The following JAK1 variants were observed in gnomAD, a reference collection of about 807,000 sequenced individuals.
The protein encoded by JAK1 is Janus kinase 1.
A neutral mutation model predicts 136.6 loss-of-function variants in JAK1; 16 were observed. The ratio of observed to expected loss-of-function variants is 0.12; its 90% CI spans 0.08 to 0.18. The LOEUF is 0.18. Among genes scored for constraint, JAK1 ranks in the 10% least tolerant of loss-of-function variants. The pLI is 1.00. For missense variants in JAK1, 859 were observed against 1,450.1 expected (o/e 0.59, Z 6.62); for synonymous variants, 492 against 519.5 (o/e 0.95, Z 0.72).
chr1:64,961,076 C>T (rs1007852765), intron 1 of JAK1, among the ~76,000 whole-genome samples: 1 of 152,198 alleles, frequency 6.6e-6, no homozygotes, highest in Non-Finnish European at 1.5e-5. Flanking sequence ...GAGAACATGT[C>T]TTCCTGTATT....
At chr1:64,893,219 G>C (rs1402588327) in intron 1 of JAK1, among the ~76,000 whole-genome samples, 1 of 152,124 alleles carries the variant, frequency 6.6e-6, no homozygotes, top group Non-Finnish European at 1.5e-5. Flanking sequence ...CAGACAGGAA[G>C]AATCTTGCAG....
At chr1:64,889,139 T>C (rs1046689672) in intron 1 of JAK1, among the ~76,000 whole-genome samples, 1 of 152,284 alleles carries the variant, frequency 6.6e-6, no homozygotes, top group African/African-American at 2.4e-5. Flanking sequence ...TTAGAGCAAG[T>C]AGAAAAGGAG....
chr1:64,911,934 T>C (rs766749262), intron 1 of JAK1, among the ~76,000 whole-genome samples: 11 of 152,300 alleles, frequency 7.2e-5, no homozygotes, highest in Non-Finnish European at 1.5e-4. Flanking sequence ...TTCAAAACTC[T>C]CATAAAATTT....
At chr1:64,944,079 G>A (rs993155936) in intron 1 of JAK1, among the ~76,000 whole-genome samples, 5 of 151,754 alleles carry the variant, frequency 3.3e-5, no homozygotes, top group East Asian at 3.9e-4. Context: ...AAAATTAGCC[G>A]GGTGTGGTGG....
intron 2 of JAK1, among the ~76,000 whole-genome samples, chr1:64,975,856 T>C (rs1646494012): frequency 6.6e-6 from 1 of 152,190 alleles, no homozygotes; most frequent in Non-Finnish European, 1.5e-5. Context: ...CTGATGAGGA[T>C]GGATTCCCCC....
At chr1:64,938,487 A>G (rs1216494739) in intron 1 of JAK1, among the ~76,000 whole-genome samples, 1 of 152,236 alleles carries the variant, frequency 6.6e-6, no homozygotes, top group East Asian at 1.9e-4. Flanking sequence ...ACCTGAACCA[A>G]GATCATCAGC....
In JAK1 at chr1:64,839,095, G is replaced by A. The variant is rs993863122; in HGVS notation, c.2843-506C>T. 8.0e-5 allele frequency among the ~76,000 whole-genome samples: 11 copies of A among 137,704 alleles called. 1 individual carries two copies. The East Asian group carries it at 8.5e-4, about 11-fold the overall frequency. The allele number at this position is 137,704 out of a possible 152,430, so 90.3% of individuals were successfully genotyped here. A position where few individuals can be genotyped will look rare whatever the true frequency, so the allele number is the denominator to read the frequency against. On this transcript the variant is annotated intron_variant, in intron 20 of 24. Transcript: ENST00000342505. Reference sequence around the variant, plus strand: ...CGGGAGGCGGAGCTTGCAGTGAGCCGAGATTGCGCCACTGCAGTCCAGCCT... The same window carrying A: ...CGGGAGGCGGAGCTTGCAGTGAGCCAAGATTGCGCCACTGCAGTCCAGCCT...
At chr1:64,935,940 T>C (rs959720756) in intron 1 of JAK1, among the ~76,000 whole-genome samples, 15 of 152,136 alleles carry the variant, frequency 9.9e-5, no homozygotes, top group African/African-American at 3.6e-4. Flanking sequence ...GACCGGTGTG[T>C]GTCTCAACAC....
intron 17 of JAK1, among the ~76,000 whole-genome samples, chr1:64,841,976 T>G (rs751331279): frequency 6.6e-6 from 1 of 152,238 alleles, no homozygotes; most frequent in Non-Finnish European, 1.5e-5. Context: ...CAAATATTTA[T>G]GTACAAGGAT....
intron 1 of JAK1, 140 bp from the exon 2 acceptor site, chr1:64,886,481 C>T: frequency 1.9e-6 from 1 of 517,694 alleles, no homozygotes; most frequent in Admixed American, 4.0e-5. Context: ...AAAAACAAAA[C>T]AAAACAAAAA....
At chr1:64,885,181 C>T (rs1644832820) in intron 2 of JAK1, among the ~76,000 whole-genome samples, 1 of 152,174 alleles carries the variant, frequency 6.6e-6, no homozygotes, top group South Asian at 2.1e-4. Context: ...CAGCCTGAAA[C>T]AGTTAGTTCA....
At position 65,011,234 on chromosome 1, in the gene JAK1, A is replaced by G. The variant is rs376237032; in HGVS notation, c.-78+33246T>C. Reference sequence around the variant, plus strand: ...CTTATGCCTGTAATCTCAGCACTTTAGCAGGCCGAGGCGGGAGGACTGCTT... The same window carrying G: ...CTTATGCCTGTAATCTCAGCACTTTGGCAGGCCGAGGCGGGAGGACTGCTT... On this transcript the variant is annotated intron_variant, in intron 2 of 25. Coordinates refer to the JAK1 transcript ENST00000671954. Among the ~76,000 whole-genome samples the G allele has an allele frequency of 1.2e-4, 18 of 152,212 alleles. 1 individual carries two copies. The highest frequency in any genetic ancestry group is 3.3e-4 in the Admixed American group (5 of 15,270).
chr1:64,887,075 C>G (rs566398130), intron 1 of JAK1, among the ~76,000 whole-genome samples: 1 of 152,132 alleles, frequency 6.6e-6, no homozygotes, highest in African/African-American at 2.4e-5. Context: ...CCCCACAGGG[C>G]CTTACAATAG....
intron 19 of JAK1, among the ~76,000 whole-genome samples, chr1:64,840,745 T>C (rs1190407761): frequency 6.6e-6 from 1 of 151,918 alleles, no homozygotes. Flanking sequence ...GGCAGGAAGA[T>C]TGCTTGAGCC....
At chr1:65,026,018 A>G (rs1174887336) in intron 2 of JAK1, among the ~76,000 whole-genome samples, 1 of 152,156 alleles carries the variant, frequency 6.6e-6, no homozygotes, top group Non-Finnish European at 1.5e-5. Context: ...GGATTACCTC[A>G]AATTATCATT....
intron 1 of JAK1, among the ~76,000 whole-genome samples, chr1:64,905,350 A>T (rs1645173643): frequency 6.6e-6 from 1 of 152,254 alleles, no homozygotes; most frequent in South Asian, 2.1e-4. Flanking sequence ...AGACAACGTC[A>T]ACTGTATCCG....
chr1:64,937,837 T>TA (rs765418548), intron 1 of JAK1, among the ~76,000 whole-genome samples: 15 of 152,198 alleles, frequency 9.9e-5, no homozygotes, highest in Middle Eastern at 3.2e-3. Context: ...TGAGATACAC[T>TA]AAATTACTCT....
chr1:65,030,403 CT>C (rs1647012330), intron 2 of JAK1, among the ~76,000 whole-genome samples: 1 of 152,196 alleles, frequency 6.6e-6, no homozygotes, highest in Admixed American at 6.5e-5. Flanking sequence ...GAGAAAGTTT[CT>C]CATTCTTGCA....
At chr1:64,904,779 C>T (rs371429960) in intron 1 of JAK1, among the ~76,000 whole-genome samples, 23 of 152,090 alleles carry the variant, frequency 1.5e-4, no homozygotes, top group African/African-American at 4.8e-4. Flanking sequence ...ATTGGATAAA[C>T]ACAAGCATGG....
Sources: allele counts gnomAD v4.1 joint callset (sites outside exome capture counted in the v4.1 genomes callset), GRCh38; gene constraint gnomAD v4.1.1; transcripts MANE v1.5; gene names NCBI Gene and HGNC (gene_info 2026-07-23, HGNC 2026-07-21).